The following MTUS2 variants were observed in gnomAD, a reference collection of about 807,000 sequenced individuals.
MTUS2 encodes microtubule associated scaffold protein 2.
Under a neutral mutation model 114.1 loss-of-function variants are expected in MTUS2, and 40 were observed. That is an observed-to-expected ratio of 0.35 (90% CI 0.27 to 0.46). MTUS2 has a LOEUF of 0.46. Among genes scored for constraint, MTUS2 ranks in the 20% least tolerant of loss-of-function variants. The pLI is 1.00. For missense variants in MTUS2, 1,679 were observed against 1,705.4 expected (o/e 0.98, Z 0.27); for synonymous variants, 688 against 672.0 (o/e 1.02, Z -0.37).
At chr13:28,913,517 G>A (rs186250225) in intron 2 of MTUS2, among the ~76,000 whole-genome samples, 1 of 152,214 alleles carries the variant, frequency 6.6e-6, no homozygotes, top group East Asian at 1.9e-4. Context: ...TGGTTTGCCA[G>A]TATTTTATTC....
At chr13:29,371,907 C>T (rs527865754) in intron 8 of MTUS2, among the ~76,000 whole-genome samples, 39 of 148,662 alleles carry the variant, frequency 2.6e-4, no homozygotes, top group Non-Finnish European at 4.6e-4. Context: ...ATGGTGATTA[C>T]AGTTAATAAT....
chr13:29,326,945 A>G (rs1372506124), intron 7 of MTUS2, among the ~76,000 whole-genome samples: 1 of 152,084 alleles, frequency 6.6e-6, no homozygotes, highest in Non-Finnish European at 1.5e-5. Context: ...ACGCCACTAC[A>G]CTCCAGCCTC....
In MTUS2 at chr13:29,397,042, A is replaced by T. The variant is rs189941996; in HGVS notation, c.3117+37569A>T. 5.9e-5 allele frequency among the ~76,000 whole-genome samples: 9 copies of T among 152,326 alleles called. No homozygotes were observed. In the East Asian group the frequency reaches 1.7e-3, roughly 29 times the overall value. The stretch of plus-strand genomic sequence containing the variant: ...TGTGCTCTAGGAAAACCTATAAGGG[A>T]GTAAGGGAAGCAGGATAGGGAAATG... On this transcript the variant is annotated intron_variant, in intron 8 of 15. Transcript: ENST00000612955.
rs551053968 is a variant in MTUS2, at chr13:29,252,264, T to C, written c.2645-29440T>C. On this transcript the variant is annotated intron_variant, in intron 5 of 15. Transcript: ENST00000612955. ...TTAGTGGAGAAGTACTTCCAAGTCA[T>C]GGCTCCTAGTTAGACCATGAAATAC... Among the ~76,000 whole-genome samples, 5 of 152,332 alleles carry C rather than the reference T, an allele frequency of 3.3e-5. No homozygotes were observed. The East Asian group carries it at 9.6e-4, about 29-fold the overall frequency.
chr13:29,307,459 C>A, intron 6 of MTUS2: 1 of 1,331,438 alleles, frequency 7.5e-7, no homozygotes, highest in Non-Finnish European at 1.1e-6. Flanking sequence ...GAATGGGAAG[C>A]TCACTGGCAT....
chr13:28,910,365 T>C (rs1050485115), intron 2 of MTUS2, among the ~76,000 whole-genome samples: 1 of 152,180 alleles, frequency 6.6e-6, no homozygotes, highest in Non-Finnish European at 1.5e-5. Flanking sequence ...TCTTATTCTT[T>C]TTTTGTTCTT....
In MTUS2 at chr13:29,497,488, C is replaced by T. The variant is rs549162889; in HGVS notation, c.3678+152C>T. On this transcript the variant is annotated intron_variant, in intron 13 of 15. Transcript: ENST00000612955. ...TCACGACCTCCCCTGGATTTTTAAA[C>T]AATTCCTGTCAGCAGCTCTCCCCTG... 120 of 649,116 alleles carry T rather than the reference C, an allele frequency of 1.8e-4. No individual in the cohort carries two copies. The South Asian group carries it at 2.2e-3, about 12-fold the overall frequency. 40.2% of individuals were successfully genotyped at this position (649,116 alleles called of 1,614,324 possible).
intron 2 of MTUS2, among the ~76,000 whole-genome samples, chr13:28,931,783 C>T (rs998801152): frequency 3.9e-5 from 6 of 152,110 alleles, no homozygotes; most frequent in Non-Finnish European, 8.8e-5. Context: ...CACCCATTAA[C>T]TGGTCATTTA....
intron 9 of MTUS2, among the ~76,000 whole-genome samples, chr13:29,456,582 A>C (rs960169474): frequency 1.3e-5 from 2 of 152,214 alleles, no homozygotes; most frequent in African/African-American, 4.8e-5. Flanking sequence ...TGAAAATCAG[A>C]TATAAAGAGG....
chr13:29,395,627 C>T (rs1404094910), intron 8 of MTUS2, among the ~76,000 whole-genome samples: 1 of 152,150 alleles, frequency 6.6e-6, no homozygotes, highest in African/African-American at 2.4e-5. Flanking sequence ...ATGGCAAGGC[C>T]AGGATTATGA....
At position 29,480,332 on chromosome 13, in the gene MTUS2, C is replaced by T; in HGVS notation, c.3367C>T (p.Leu1123=). 6.5e-7 allele frequency: 1 copy of T among 1,548,068 alleles called. No individual in the cohort carries two copies. Among genetic ancestry groups the T allele is most frequent in the Non-Finnish European group, 8.7e-7 (1 of 1,145,296 alleles). Residue 1123 remains leucine (L), a synonymous_variant, in exon 10 of 16, where the codon CTG becomes TTG. Coordinates refer to ENST00000612955, the MANE Select transcript of MTUS2 (RefSeq NM_001033602.4). This position sits in a 1 kb window ranked among gnomAD's most constrained non-coding sequence, Gnocchi z 4.4. ...CCTGCAGGAGGAGCACGGTGACCAG[C>T]TGCTGAGCATCCGGTGTCAACACCA... ...ARLQEEHGDQ[L]LSIRCQHQEQ...
intron 6 of MTUS2, among the ~76,000 whole-genome samples, chr13:29,290,417 C>T (rs1898658309): frequency 6.6e-6 from 1 of 152,172 alleles, no homozygotes; most frequent in South Asian, 2.1e-4. Flanking sequence ...GCAACCTCCG[C>T]CTCCCGGGTT....
intron 9 of MTUS2, among the ~76,000 whole-genome samples, chr13:29,442,005 G>C (rs1347646061): frequency 6.6e-6 from 1 of 152,190 alleles, no homozygotes; most frequent in Non-Finnish European, 1.5e-5. Flanking sequence ...CTCTCCTCCT[G>C]AGCGAAGCTG....
chr13:29,381,167 T>TAA (rs1872175882), intron 8 of MTUS2, among the ~76,000 whole-genome samples: 1 of 152,166 alleles, frequency 6.6e-6, no homozygotes, highest in Non-Finnish European at 1.5e-5. Flanking sequence ...TCTGGGCTTC[T>TAA]GCCCAGATAC....
At chr13:29,247,507 T>A (rs953270514) in intron 5 of MTUS2, among the ~76,000 whole-genome samples, 1 of 152,158 alleles carries the variant, frequency 6.6e-6, no homozygotes, top group Non-Finnish European at 1.5e-5. Context: ...AAACTATGCA[T>A]CTGATAAAGG....
intron 2 of MTUS2, among the ~76,000 whole-genome samples, chr13:28,945,693 G>A (rs1049558614): frequency 2.0e-5 from 3 of 152,098 alleles, no homozygotes; most frequent in Admixed American, 6.6e-5. Flanking sequence ...TGTTGTTGTT[G>A]TTGAGTTGTT....
chr13:29,355,800 G>A (rs1869687900), intron 7 of MTUS2, among the ~76,000 whole-genome samples: 1 of 152,172 alleles, frequency 6.6e-6, no homozygotes, highest in African/African-American at 2.4e-5. Flanking sequence ...AAGTACATTG[G>A]AGATAAAGCT....
At chr13:29,291,999 CA>C (rs1898737413) in intron 6 of MTUS2, among the ~76,000 whole-genome samples, 1 of 152,066 alleles carries the variant, frequency 6.6e-6, no homozygotes. Context: ...AAATAAAGTC[CA>C]GTTTCTAAAA....
At chr13:29,374,969 T>A (rs1223967499) in intron 8 of MTUS2, among the ~76,000 whole-genome samples, 1 of 152,060 alleles carries the variant, frequency 6.6e-6, no homozygotes, top group East Asian at 1.9e-4. Flanking sequence ...CATTCTCACA[T>A]AAAGAAAAGC....
Sources: allele counts gnomAD v4.1 joint callset (sites outside exome capture counted in the v4.1 genomes callset), GRCh38; gene constraint gnomAD v4.1.1; non-coding constraint Gnocchi (gnomAD v3.1); transcripts MANE v1.5; gene names NCBI Gene and HGNC (gene_info 2026-07-23, HGNC 2026-07-21).